Variants in LIMS2 observed in about 807,000 individuals in gnomAD.
LIMS2 encodes the protein LIM zinc finger domain containing 2.
LIMS2 carries 30 observed loss-of-function variants against 45.3 expected under a neutral mutation model. The ratio of observed to expected loss-of-function variants is 0.66; its 90% confidence interval spans 0.50 to 0.90. The LOEUF (loss-of-function observed/expected upper bound fraction) is 0.90, where lower values mean the gene tolerates loss of function less well. Ranked by LOEUF, LIMS2 falls within the 40% of genes least tolerant of loss-of-function variation. The pLI is 0.00. For synonymous variants in LIMS2, 173 were observed against 188.0 expected, an observed-to-expected ratio of 0.92 and a Z score of 0.65; for missense variants, 485 against 468.7, an observed-to-expected ratio of 1.03 and a Z score of -0.32.
Position 127,667,739 on chromosome 2 carries a change from C to G in LIMS2, c.11+7275G>C, listed in dbSNP as rs1169221112. ...CCCAAAACCCATAGCTAACATCATA[C>G]TTAGTGATGAGAAAATGAATGCTTT... On this transcript the variant is annotated intron_variant, in intron 1 of 9. Transcript: ENST00000355119. The surrounding 1 kb of genome is among the most constrained non-coding windows in gnomAD (Gnocchi z 4.1). 6.6e-6 allele frequency among the ~76,000 whole-genome samples: 1 copy of G among 152,196 alleles called. No individual in the cohort carries two copies. The highest frequency in any genetic ancestry group is 1.5e-5 in the Non-Finnish European group (1 of 68,036).
intron 1 of LIMS2, chr2:127,673,547 G>A (rs991473029): frequency 1.1e-6 from 1 of 910,816 alleles, no homozygotes; most frequent in East Asian, 2.7e-5. Flanking sequence ...AGGCCCAAGG[G>A]ACTCAGGGGC....
intron 2 of LIMS2, chr2:127,655,864 T>C (rs1020484869): frequency 1.3e-5 from 2 of 152,322 alleles, no homozygotes; most frequent in African/African-American, 4.8e-5. Context: ...ATCTGACCCC[T>C]GGCCACCACC....
Position 127,639,179 on chromosome 2 carries a change from T to A in LIMS2, c.*102A>T, listed in dbSNP as rs1213055185. The A allele has an allele frequency of 8.3e-7, 1 of 1,210,750 alleles. No individual in the cohort carries two copies. The highest frequency in any genetic ancestry group is 1.2e-6 in the Non-Finnish European group (1 of 856,746). The allele number at this position is 1,210,750 out of a possible 1,614,324, so 75.0% of individuals were successfully genotyped here. On this transcript the variant is annotated 3_prime_UTR_variant, in exon 10 of 10. Coordinates refer to ENST00000355119, the MANE Select transcript of LIMS2 (RefSeq NM_001161403.3). ...GCAATGAGGAAAGAGAAAGGGAGGG[T>A]AAGATGCGGAGGGCACAGGTGGATG... is the stretch of plus-strand genomic sequence containing the variant.
chr2:127,678,221 G>A (rs1278659000), upstream of LIMS2, among the ~76,000 whole-genome samples: 1 of 152,152 alleles, frequency 6.6e-6, no homozygotes, highest in Non-Finnish European at 1.5e-5. The surrounding 1 kb of genome is among the most constrained non-coding windows in gnomAD (Gnocchi z 5.3). Context: ...GGAGGCTGAG[G>A]AGGGAGGATC....
chr2:127,655,534 T>TA (rs754559747), intron 2 of LIMS2: 1 of 156,828 alleles, frequency 6.4e-6, no homozygotes, highest in Non-Finnish European at 1.4e-5. Flanking sequence ...CCCTGTTCTC[T>TA]AAAATGAGTG....
chr2:127,652,549 T>C (rs931519380), intron 4 of LIMS2: 1 of 166,904 alleles, frequency 6.0e-6, no homozygotes, highest in African/African-American at 2.4e-5. Context: ...GCCTGAGCTA[T>C]TTCCCTTGCT....
In LIMS2 at chr2:127,675,499, T is replaced by A. The variant is rs1214342755; in HGVS notation, c.-475A>T. Among the ~76,000 whole-genome samples the A allele has an allele frequency of 1.3e-5, 2 of 151,796 alleles. No homozygotes were observed. The highest frequency in any genetic ancestry group is 2.9e-5 in the Non-Finnish European group (2 of 67,850). ...CGGCCAGCGGCGGGCGCGGGTCAAG[T>A]CCTTCCCAACCCGGGCTCTGCTCGC... On this transcript the variant is annotated 5_prime_UTR_variant, in exon 1 of 10. Transcript: ENST00000355119.
Position 127,653,850 on chromosome 2 carries a change from G to A in LIMS2, c.359+574C>T, listed in dbSNP as rs1684043890. Among the ~76,000 whole-genome samples, 4 of 152,228 alleles carry A rather than the reference G, an allele frequency of 2.6e-5. No individual in the cohort carries two copies. The South Asian group carries it at 8.3e-4, about 32-fold the overall frequency. ...CTCCCCAGCCCAGTCCTTCAGAAAG[G>A]ACGAGAGAGTGGCGTGGAGAAGCAA... On this transcript the variant is annotated intron_variant, in intron 4 of 9. Coordinates refer to ENST00000355119, the MANE Select transcript of LIMS2 (RefSeq NM_001161403.3). The surrounding 1 kb of genome is among the most constrained non-coding windows in gnomAD (Gnocchi z 5.3).
upstream of LIMS2, among the ~76,000 whole-genome samples, chr2:127,677,894 G>T (rs2105352985): frequency 6.6e-6 from 1 of 152,348 alleles, no homozygotes; most frequent in East Asian, 1.9e-4. This position sits in a 1 kb window ranked among gnomAD's most constrained non-coding sequence, Gnocchi z 5.0. Context: ...CAGGACAGGG[G>T]TTGACTAGGA....
intron 4 of LIMS2, chr2:127,649,959 C>T (rs942767408): frequency 4.1e-5 from 61 of 1,478,256 alleles, no homozygotes; most frequent in Non-Finnish European, 5.5e-5. Flanking sequence ...TCCCAGCTGG[C>T]CTGATACCCA....
chr2:127,655,475 C>T, intron 2 of LIMS2: 1 of 157,600 alleles, frequency 6.3e-6, no homozygotes, highest in Non-Finnish European at 1.4e-5. Flanking sequence ...CCAAAGCCTG[C>T]CTCTGCTTTC....
In LIMS2 at chr2:127,664,588, A is replaced by C; in HGVS notation, c.12-7026T>G. Reference sequence around the variant, plus strand: ...GGCAGCAGAGTCAACTCCAAATAGAAAGGATATTGTTCGCGCCGCGGGGGC... The same window carrying C: ...GGCAGCAGAGTCAACTCCAAATAGACAGGATATTGTTCGCGCCGCGGGGGC... On this transcript the variant is annotated intron_variant, in intron 1 of 9. Coordinates refer to ENST00000355119, the MANE Select transcript of LIMS2 (RefSeq NM_001161403.3). The surrounding 1 kb of genome is among the most constrained non-coding windows in gnomAD (Gnocchi z 5.5). 8.8e-7 allele frequency: 1 copy of C among 1,132,268 alleles called. No homozygotes were observed. 70.1% of individuals were successfully genotyped at this position (1,132,268 alleles called of 1,614,324 possible). A position where few individuals can be genotyped will look rare whatever the true frequency, so the allele number is the denominator to read the frequency against.
Position 127,657,390 on chromosome 2 carries a change from G to A in LIMS2, c.171+13C>T, listed in dbSNP as rs766145999. On this transcript the variant is annotated intron_variant, in intron 2 of 9. Coordinates refer to ENST00000355119, the MANE Select transcript of LIMS2 (RefSeq NM_001161403.3). ...CGAGCTGGGTCTGAGAAAGCCCTCA[G>A]TAGTGTCCTCACCTCATAGAAGAGC... 3 of 1,613,638 alleles carry A rather than the reference G, an allele frequency of 1.9e-6. No homozygotes were observed. The highest frequency in any genetic ancestry group is 1.7e-6 in the Non-Finnish European group (2 of 1,179,958).
Position 127,647,403 on chromosome 2 carries a change from T to C in LIMS2, c.360-4331A>G, listed in dbSNP as rs903926311. Among the ~76,000 whole-genome samples the C allele has an allele frequency of 2.0e-5, 3 of 152,098 alleles. No homozygotes were observed. The highest frequency in any genetic ancestry group is 4.4e-5 in the Non-Finnish European group (3 of 67,996). On this transcript the variant is annotated intron_variant, in intron 4 of 9. Transcript: ENST00000355119. The surrounding 1 kb of genome is among the most constrained non-coding windows in gnomAD (Gnocchi z 4.3). ...CCTGGTCAAGTGACCTAAGACAAGT[T>C]AGCAGACACTCAGCCTTGACTCCCT... is the stretch of plus-strand genomic sequence containing the variant.
In LIMS2 at chr2:127,639,247, G is replaced by A. The variant is rs749066188; in HGVS notation, c.*34C>T. 3.4e-5 allele frequency: 55 copies of A among 1,607,610 alleles called. No homozygotes were observed. The highest frequency in any genetic ancestry group is 2.0e-4 in the East Asian group (9 of 44,778). On this transcript the variant is annotated 3_prime_UTR_variant, in exon 10 of 10. Transcript: ENST00000355119. ...CATGGACAGCAGGAGGGGAGAAGGC[G>A]GAGGGGCCGAGAGGCAGCTGCGCAA...
chr2:127,640,264 C>A lies in LIMS2; in HGVS notation c.802+6G>T. On this transcript the variant is annotated splice_donor_region_variant and intron_variant, in intron 8 of 9. Coordinates refer to ENST00000355119, the MANE Select transcript of LIMS2 (RefSeq NM_001161403.3). ...GTGGGGTGGGGGAGGGAACACAGGG[C>A]CTCACCATCGCCTTCAATCACATGG... 6.2e-7 allele frequency: 1 copy of A among 1,613,284 alleles called. No individual in the cohort carries two copies. The highest frequency in any genetic ancestry group is 8.5e-7 in the Non-Finnish European group (1 of 1,179,966).
At chr2:127,681,140 G>A (rs944952516) in intron 1 of LIMS2, among the ~76,000 whole-genome samples, 1 of 152,162 alleles carries the variant, frequency 6.6e-6, no homozygotes, top group East Asian at 1.9e-4. Context: ...GCCACAGTGG[G>A]CTGAACCTTC....
chr2:127,654,681 T>G, intron 3 of LIMS2, 137 bp from the exon 4 acceptor site: 1 of 1,493,686 alleles, frequency 6.7e-7, no homozygotes, highest in Non-Finnish European at 9.2e-7. Context: ...GTGATGCCTG[T>G]AGGGGGCCTG....
chr2:127,663,285 G>A (rs916835890), intron 1 of LIMS2, among the ~76,000 whole-genome samples: 1 of 152,070 alleles, frequency 6.6e-6, no homozygotes, highest in African/African-American at 2.4e-5. Flanking sequence ...GAGTGACTTG[G>A]CCTCCTGAGT....
Sources: allele counts gnomAD v4.1 joint callset (sites outside exome capture counted in the v4.1 genomes callset), GRCh38; gene constraint gnomAD v4.1.1; non-coding constraint Gnocchi (gnomAD v3.1); transcripts MANE v1.5; gene names NCBI Gene and HGNC (gene_info 2026-07-23, HGNC 2026-07-21).